Variants in CD1C observed in about 807,000 individuals in gnomAD.
The protein encoded by CD1C is T-cell surface glycoprotein CD1c.
CD1C carries 47 observed loss-of-function variants against 39.4 expected under a neutral mutation model. The observed-to-expected ratio is 1.19, with a 90% CI of 0.94 to 1.52. The LOEUF is 1.52. Among genes scored for constraint, CD1C ranks in the 40% most tolerant of loss-of-function variants. The pLI, the probability that CD1C is intolerant of heterozygous loss-of-function variation, is 0.00. For missense variants in CD1C, 417 were observed against 395.2 expected (o/e 1.06, Z -0.47); for synonymous variants, 165 against 150.8 (o/e 1.09, Z -0.69).
chr1:158,293,427 G>C, intron 5 of CD1C, 28 bp from the exon 6 acceptor site: 1 of 1,612,692 alleles, frequency 6.2e-7, no homozygotes, highest in African/African-American at 1.3e-5. Flanking sequence ...ACTTATTCAG[G>C]GTTTCTCCCA....
intron 5 of CD1C, 62 bp downstream of exon 5, chr1:158,293,364 C>T (rs1037249715): frequency 1.3e-6 from 2 of 1,593,112 alleles, no homozygotes; most frequent in African/African-American, 2.7e-5. Flanking sequence ...ATTTTTCACT[C>T]TCTTAGCTTT....
At position 158,293,739 on chromosome 1, in the gene CD1C, C is replaced by T. The variant is rs1651139566; in HGVS notation, c.*263C>T. 4.2e-6 allele frequency: 3 copies of T among 706,448 alleles called. No homozygotes were observed. Among genetic ancestry groups the T allele is most frequent in the Middle Eastern group, 7.6e-4 (2 of 2,634 alleles). The allele number at this position is 706,448 out of a possible 1,614,324, so 43.8% of individuals were successfully genotyped here. On this transcript the variant is annotated 3_prime_UTR_variant, in exon 6 of 6. Transcript: ENST00000368170. Reference sequence around the variant, plus strand: ...TTGACCCATACTGAACCCAGAGAGCCCCTCAACTGTTATGTGCATGCAACA... The same window carrying T: ...TTGACCCATACTGAACCCAGAGAGCTCCTCAACTGTTATGTGCATGCAACA...
intron 3 of CD1C, 66 bp downstream of exon 3, chr1:158,292,431 C>A (rs1348130827): frequency 6.5e-7 from 1 of 1,535,876 alleles, no homozygotes; most frequent in African/African-American, 1.4e-5. Flanking sequence ...TGTTCCCACC[C>A]TTCAAACTCA....
At chr1:158,292,395 T>C (rs1651076869) in intron 3 of CD1C, 30 bp downstream of exon 3, 3 of 1,594,988 alleles carry the variant, frequency 1.9e-6, no homozygotes, top group African/African-American at 1.3e-5. Flanking sequence ...TCCTCTAAGA[T>C]TTTTCTATTC....
rs1280106236 is a variant in CD1C at position 158,291,358 on chromosome 1, A to G, written c.286A>G (p.Thr96Ala). 1 of 1,613,984 alleles carries G rather than the reference A, an allele frequency of 6.2e-7. No individual in the cohort carries two copies. Among genetic ancestry groups the G allele is most frequent in the Non-Finnish European group, 8.5e-7 (1 of 1,180,008 alleles). ...LLFRFYLFGL[T>A]REIQDHASQD... ...ATTTCGTTTCTACCTCTTTGGATTAACTCGGGAGATTCAAGACCATGCAAG... is the reference window on the plus strand; with the variant it reads ...ATTTCGTTTCTACCTCTTTGGATTAGCTCGGGAGATTCAAGACCATGCAAG... The change falls in exon 2 of 6, where the codon ACT (threonine) becomes GCT (alanine). Residue 96 changes from threonine to alanine, a missense_variant. By Grantham distance (58) the Thr-to-Ala change is moderately conservative. Coordinates refer to ENST00000368170, the MANE Select transcript of CD1C (RefSeq NM_001765.3).
rs776891906 is a variant in CD1C at position 158,292,827 on chromosome 1, G to C, written c.842G>C (p.Arg281Pro). 2 of 1,614,152 alleles carry C rather than the reference G, an allele frequency of 1.2e-6. No homozygotes were observed. The highest frequency in any genetic ancestry group is 1.7e-6 in the Non-Finnish European group (2 of 1,180,026). The change falls in exon 4 of 6, where the codon CGA becomes CCA. Residue 281 changes from arginine to proline, a missense_variant. Transcript: ENST00000368170. The part of the protein sequence containing the change: ...ASEEPAGLSC[R>P]VRHSSLGGQD... ...GAGGAGCCTGCTGGCCTGTCTTGTC[G>C]AGTGAGACACAGCAGTCTAGGAGGC...
intron 5 of CD1C, 67 bp from the exon 6 acceptor site, chr1:158,293,388 C>G: frequency 6.3e-7 from 1 of 1,594,692 alleles, no homozygotes; most frequent in Non-Finnish European, 8.6e-7. Context: ...CTATTGACTA[C>G]TCCACCTTAT....
Position 158,293,527 on chromosome 1 carries a change from G to C in CD1C, c.*51G>C. 1 of 1,613,778 alleles carries C rather than the reference G, an allele frequency of 6.2e-7. No homozygotes were observed. Among genetic ancestry groups the C allele is most frequent in the Non-Finnish European group, 8.5e-7 (1 of 1,179,770 alleles). On this transcript the variant is annotated 3_prime_UTR_variant, in exon 6 of 6. Coordinates refer to ENST00000368170, the MANE Select transcript of CD1C (RefSeq NM_001765.3). ...GTGTTAAGAACCCAGCAACCCAGGA[G>C]CCTAGTACAATATAGTGATGCCATC...
chr1:158,292,040 A>G (rs749540015), intron 2 of CD1C, 44 bp from the exon 3 acceptor site: 6 of 1,565,870 alleles, frequency 3.8e-6, no homozygotes, highest in Non-Finnish European at 5.2e-6. Context: ...TGTTGTTTTC[A>G]CTTTTTTGTT....
In CD1C at chr1:158,292,096, T is replaced by C. The variant is rs560975462; in HGVS notation, c.341T>C (p.Val114Ala). Reference sequence around the variant, plus strand: ...TCCCTTCCTCCAGATCCCTTTGAAGTACAGGTGAAAGCGGGCTGTGAGCTG... The same window carrying C: ...TCCCTTCCTCCAGATCCCTTTGAAGCACAGGTGAAAGCGGGCTGTGAGCTG... ...SQDYSKYPFE[V>A]QVKAGCELHS... Residue 114 changes from valine to alanine, a missense_variant, in exon 3 of 6, where the codon GTA (valine) becomes GCA (alanine). Physicochemically the swap from Val to Ala is moderately conservative, Grantham distance 64. Coordinates refer to ENST00000368170, the MANE Select transcript of CD1C (RefSeq NM_001765.3). 2.7e-5 allele frequency: 44 copies of C among 1,613,800 alleles called. No homozygotes were observed. The South Asian group carries it at 4.6e-4, about 17-fold the overall frequency.
At position 158,293,613 on chromosome 1, in the gene CD1C, C is replaced by T; in HGVS notation, c.*137C>T. 1 of 1,596,956 alleles carries T rather than the reference C, an allele frequency of 6.3e-7. No homozygotes were observed. Among genetic ancestry groups the T allele is most frequent in the Non-Finnish European group, 8.6e-7 (1 of 1,169,466 alleles). ...CATAATAAACATTTGTTAATAAAAACCAAATTCTAATTTGGAATGTTTTTC... is the reference window on the plus strand; with the variant it reads ...CATAATAAACATTTGTTAATAAAAATCAAATTCTAATTTGGAATGTTTTTC... On this transcript the variant is annotated 3_prime_UTR_variant, in exon 6 of 6. Transcript: ENST00000368170.
intron 1 of CD1C, among the ~76,000 whole-genome samples, chr1:158,290,830 T>C (rs1651007612): frequency 6.6e-6 from 1 of 152,180 alleles, no homozygotes; most frequent in Admixed American, 6.5e-5. Flanking sequence ...ACAATGCAGA[T>C]AGTATGAACA....
chr1:158,290,567 A>G (rs1382558311), intron 1 of CD1C, among the ~76,000 whole-genome samples: 1 of 152,134 alleles, frequency 6.6e-6, no homozygotes, highest in African/African-American at 2.4e-5. Context: ...GAGTAACTTT[A>G]GTTCAGAGCA....
In CD1C at chr1:158,292,163, C is replaced by T; in HGVS notation, c.408C>T (p.Phe136=). ...KSPEGFFQVA[F]NGLDLLSFQN... ...CAGAAGGCTTCTTTCAGGTAGCTTT[C>T]AACGGATTAGATTTACTGAGTTTCC... The change falls in exon 3 of 6, where the codon TTC becomes TTT. Residue 136 remains phenylalanine (F), a synonymous_variant. Coordinates refer to ENST00000368170, the MANE Select transcript of CD1C (RefSeq NM_001765.3). 6.2e-7 allele frequency: 1 copy of T among 1,614,180 alleles called. No homozygotes were observed. The highest frequency in any genetic ancestry group is 1.7e-5 in the Admixed American group (1 of 60,014).
Position 158,293,253 on chromosome 1 carries a change from G to A in CD1C, c.931G>A (p.Val311Met), listed in dbSNP as rs760995206. 1.2e-6 allele frequency: 2 copies of A among 1,614,134 alleles called. No individual in the cohort carries two copies. The highest frequency in any genetic ancestry group is 1.7e-6 in the Non-Finnish European group (2 of 1,179,996). Residue 311 changes from valine (V) to methionine (M), a missense_variant, in exon 5 of 6, where the codon GTG becomes ATG. Coordinates refer to ENST00000368170, the MANE Select transcript of CD1C (RefSeq NM_001765.3). ...SMNWIALVVI[V>M]PLVILIVLVL... is the part of the protein sequence containing the mutation. ...GAATTGGATTGCCTTGGTAGTGATA[G>A]TGCCCTTGGTGATTCTAATAGTCCT... is the stretch of plus-strand genomic sequence containing the variant.
chr1:158,292,654 G>T lies in CD1C; in HGVS notation c.669G>T (p.Leu223=). The change falls in exon 4 of 6, where the codon CTG becomes CTT. Residue 223 remains leucine, a synonymous_variant. Coordinates refer to ENST00000368170, the MANE Select transcript of CD1C (RefSeq NM_001765.3). ...GCCTTGGGTCTGGCCAGCTGTTGCT[G>T]GTTTGTCATGCCTCCGGCTTCTACC... ...RPSLGSGQLL[L]VCHASGFYPK... is the part of the protein sequence containing the mutation. 6.2e-7 allele frequency: 1 copy of T among 1,613,698 alleles called. No individual in the cohort carries two copies. Among genetic ancestry groups the T allele is most frequent in the East Asian group, 2.2e-5 (1 of 44,884 alleles).
At chr1:158,290,355 A>G (rs1410320500) in intron 1 of CD1C, among the ~76,000 whole-genome samples, 4 of 152,096 alleles carry the variant, frequency 2.6e-5, no homozygotes, top group Admixed American at 2.6e-4. Flanking sequence ...TTCAATTTCC[A>G]TTTCCTCTCC....
rs115959450 is a variant in CD1C at position 158,292,098 on chromosome 1, C to T, written c.343C>T (p.Gln115Ter). Reference sequence around the variant, plus strand: ...CCTTCCTCCAGATCCCTTTGAAGTACAGGTGAAAGCGGGCTGTGAGCTGCA... The same window carrying T: ...CCTTCCTCCAGATCCCTTTGAAGTATAGGTGAAAGCGGGCTGTGAGCTGCA... ...QDYSKYPFEV[Q>*]VKAGCELHSG... Residue 115 changes from glutamine to a stop codon, truncating the protein, a stop_gained, in exon 3 of 6, where the codon CAG (glutamine) becomes TAG (stop). Transcript: ENST00000368170. LOFTEE classifies it high-confidence loss of function. The T allele has an allele frequency of 1.9e-4, 308 of 1,613,640 alleles. 2 individuals carry two copies. The Admixed American group carries it at 3.8e-3, about 20-fold the overall frequency.
Sources: gnomAD v4.1 joint callset for allele counts (sites outside exome capture counted in the v4.1 genomes callset) on GRCh38, gnomAD v4.1.1 for gene constraint, MANE v1.5 for transcripts, NCBI Gene and HGNC (gene_info 2026-07-23, HGNC 2026-07-21) for gene names.